The following ARID1B variants were observed in gnomAD, a reference collection of about 807,000 sequenced individuals.
ARID1B encodes AT-rich interaction domain 1B.
A neutral mutation model predicts 212.3 loss-of-function variants in ARID1B; 30 were observed. That is an observed-to-expected ratio of 0.14 (90% CI 0.11 to 0.19). The LOEUF (loss-of-function observed/expected upper bound fraction) is 0.19. Ranked by LOEUF, ARID1B falls within the 10% of genes least tolerant of loss-of-function variation. ARID1B has a pLI of 1.00. For missense variants in ARID1B, 2,891 were observed against 3,204.0 expected (o/e 0.90, Z 2.36); for synonymous variants, 1,402 against 1,301.7 (o/e 1.08, Z -1.66).
chr6:156,799,887 A>C (rs561924625), intron 1 of ARID1B, among the ~76,000 whole-genome samples: 25 of 152,338 alleles, frequency 1.6e-4, no homozygotes, highest in African/African-American at 5.8e-4. Flanking sequence ...AGAATCATTG[A>C]AGAAGCTGCG....
chr6:157,199,593 AT>A (rs1793962118), intron 17 of ARID1B, among the ~76,000 whole-genome samples: 1 of 149,200 alleles, frequency 6.7e-6, no homozygotes, highest in African/African-American at 2.4e-5. Context: ...ATGTTATATA[AT>A]TATAATAATT....
chr6:157,059,846 A>G (rs1483675698), intron 4 of ARID1B, among the ~76,000 whole-genome samples: 1 of 152,254 alleles, frequency 6.6e-6, no homozygotes, highest in African/African-American at 2.4e-5. Flanking sequence ...CTAGGAGTTT[A>G]AATGAGATAG....
chr6:156,822,772 T>C (rs747198967), intron 1 of ARID1B, among the ~76,000 whole-genome samples: 2 of 152,138 alleles, frequency 1.3e-5, no homozygotes, highest in African/African-American at 2.4e-5. Context: ...GCCACTGGCA[T>C]GTGGTGGGGA....
At chr6:156,779,681 C>T in intron 1 of ARID1B, 1 of 219,290 alleles carries the variant, frequency 4.6e-6, no homozygotes, top group Non-Finnish European at 8.0e-6. Flanking sequence ...GAGGGCTTCG[C>T]CGGGCCGGGC....
intron 6 of ARID1B, among the ~76,000 whole-genome samples, chr6:157,118,648 T>C (rs1218651362): frequency 4.6e-5 from 7 of 152,256 alleles, no homozygotes; most frequent in Non-Finnish European, 8.8e-5. Flanking sequence ...GCCTCTGTGC[T>C]AGACTGTGGA....
chr6:157,167,213 G>C, intron 9 of ARID1B, 28 bp downstream of exon 9: 1 of 1,594,562 alleles, frequency 6.3e-7, no homozygotes, highest in Non-Finnish European at 8.5e-7. Flanking sequence ...GCGCTCCTGA[G>C]CCCCTCTCTC....
At chr6:156,884,715 G>T (rs1345021945) in intron 2 of ARID1B, among the ~76,000 whole-genome samples, 3 of 152,182 alleles carry the variant, frequency 2.0e-5, no homozygotes, top group Non-Finnish European at 4.4e-5. Context: ...ATGGAAAAAG[G>T]TTCTGAGATT....
chr6:157,108,355 C>T (rs1186500144), intron 5 of ARID1B, among the ~76,000 whole-genome samples: 2 of 152,150 alleles, frequency 1.3e-5, no homozygotes, highest in Admixed American at 6.5e-5. Flanking sequence ...GTGCCTCGGG[C>T]GTGCACTGTC....
Position 157,110,345 on chromosome 6 carries a change from C to CT in ARID1B, c.2492-120dup, listed in dbSNP as rs1192568149. ...TGAACTATTACACTCTGAGCTATGTCTTTTTTTAATGGGGCTATACCTTTT... is the reference window on the plus strand; with the variant it reads ...TGAACTATTACACTCTGAGCTATGTCTTTTTTTTAATGGGGCTATACCTTTT... On this transcript the variant is annotated intron_variant, in intron 5 of 19. Transcript: ENST00000636930. 1.3e-5 allele frequency: 10 copies of CT among 754,772 alleles called. No homozygotes were observed. The East Asian group carries it at 1.3e-4, about 10-fold the overall frequency. The allele number at this position is 754,772 out of a possible 1,614,324, so 46.8% of individuals were successfully genotyped here.
intron 2 of ARID1B, among the ~76,000 whole-genome samples, chr6:156,889,205 A>C (rs994463935): frequency 1.3e-5 from 2 of 152,212 alleles, no homozygotes; most frequent in African/African-American, 4.8e-5. Context: ...GCTATTTTTT[A>C]AGCTATTTTA....
intron 4 of ARID1B, among the ~76,000 whole-genome samples, chr6:156,987,159 C>CAGAGAGAGAG (rs56189333): frequency 3.0e-4 from 43 of 141,498 alleles, no homozygotes; most frequent in African/African-American, 9.3e-4. Flanking sequence ...GCCTCGGTGA[C>CAGAGAGAGAG]AGAGAGAGAG....
chr6:156,950,126 T>A (rs1178702817), intron 4 of ARID1B, among the ~76,000 whole-genome samples: 2 of 152,188 alleles, frequency 1.3e-5, no homozygotes, highest in Non-Finnish European at 2.9e-5. Context: ...GTGGCTGCAG[T>A]GATTGGGGTT....
chr6:157,163,095 T>C (rs1169249422), intron 8 of ARID1B, among the ~76,000 whole-genome samples: 1 of 152,184 alleles, frequency 6.6e-6, no homozygotes, highest in Non-Finnish European at 1.5e-5. Flanking sequence ...GTTTTGTTGC[T>C]TTTCAAAAAA....
At chr6:156,978,816 GAT>G (rs1444638962) in intron 4 of ARID1B, among the ~76,000 whole-genome samples, 1 of 152,148 alleles carries the variant, frequency 6.6e-6, no homozygotes, top group African/African-American at 2.4e-5. Flanking sequence ...ATTTAAATGT[GAT>G]ATATTACTTT....
intron 2 of ARID1B, among the ~76,000 whole-genome samples, chr6:156,850,363 A>G (rs1784503109): frequency 6.6e-6 from 1 of 152,182 alleles, no homozygotes; most frequent in African/African-American, 2.4e-5. Context: ...GAATTCTCAC[A>G]TGAAATTGTG....
At chr6:156,888,992 T>C (rs1261083462) in intron 2 of ARID1B, among the ~76,000 whole-genome samples, 1 of 152,236 alleles carries the variant, frequency 6.6e-6, no homozygotes, top group Non-Finnish European at 1.5e-5. Context: ...TGGCTCTTTT[T>C]ACTGTTAAAA....
intron 3 of ARID1B, among the ~76,000 whole-genome samples, 163 bp from the exon 4 acceptor site, chr6:156,935,303 C>T (rs1405793918): frequency 3.3e-5 from 5 of 152,128 alleles, no homozygotes; most frequent in African/African-American, 1.2e-4. Context: ...TGGTCTTGAA[C>T]TCCTGGGCTC....
At chr6:157,075,068 T>G (rs1784221666) in intron 4 of ARID1B, among the ~76,000 whole-genome samples, 1 of 152,234 alleles carries the variant, frequency 6.6e-6, no homozygotes, top group African/African-American at 2.4e-5. Flanking sequence ...ATAAAGTGGT[T>G]ATATGCTCTT....
At chr6:156,978,601 G>T (rs1777407478) in intron 4 of ARID1B, among the ~76,000 whole-genome samples, 2 of 152,162 alleles carry the variant, frequency 1.3e-5, no homozygotes, top group South Asian at 2.1e-4. Context: ...CTTTGTTCTT[G>T]TGTGATATAA....
Sources: gnomAD v4.1 joint callset for allele counts (sites outside exome capture counted in the v4.1 genomes callset) on GRCh38, gnomAD v4.1.1 for gene constraint, MANE v1.5 for transcripts, NCBI Gene and HGNC (gene_info 2026-07-23, HGNC 2026-07-21) for gene names.